The following IL7 variants were observed in gnomAD, a reference collection of about 807,000 sequenced individuals.
IL7 encodes interleukin-7.
A neutral mutation model predicts 21.6 loss-of-function variants in IL7; 3 were observed. That is an observed-to-expected ratio of 0.14 (90% CI 0.06 to 0.36). The LOEUF (loss-of-function observed/expected upper bound fraction) is 0.36, where lower values mean the gene tolerates loss of function less well. IL7 is among the 10% of genes least tolerant of loss of function. The probability of loss-of-function intolerance (pLI) is 1.00; values close to 1 mark genes in which losing one functional copy is unlikely to be tolerated. For synonymous variants in IL7, 62 were observed against 68.1 expected (o/e 0.91, Z 0.44); for missense variants, 175 against 200.2 (o/e 0.87, Z 0.76).
intron 3 of IL7, among the ~76,000 whole-genome samples, chr8:78,698,148 A>G (rs1054702717): frequency 1.3e-5 from 2 of 152,176 alleles, no homozygotes; most frequent in Non-Finnish European, 2.9e-5. Context: ...TGTTCGTAGT[A>G]GTCAAACACT....
chr8:78,722,659 A>G (rs1008025445), intron 3 of IL7, among the ~76,000 whole-genome samples: 3 of 151,950 alleles, frequency 2.0e-5, no homozygotes, highest in African/African-American at 7.2e-5. Context: ...AGTTATGTAC[A>G]TATCTCCATA....
rs1813941391 is a variant in IL7 at position 78,798,547 on chromosome 8, GT to G, written c.11-340del. On this transcript the variant is annotated intron_variant, in intron 1 of 5. Coordinates refer to ENST00000263851, the MANE Select transcript of IL7 (RefSeq NM_000880.4). Reference sequence around the variant, plus strand: ...TCCCCATAAGAAAAGGCATATACAGGTAAAGAGGTGCACTACAGTTCGAAGA... The same window carrying G: ...TCCCCATAAGAAAAGGCATATACAGGAAAGAGGTGCACTACAGTTCGAAGA... Among the ~76,000 whole-genome samples the G allele has an allele frequency of 2.0e-5, 3 of 152,102 alleles. No homozygotes were observed. In the South Asian group the frequency reaches 6.2e-4, roughly 32 times the overall value.
intron 2 of IL7, among the ~76,000 whole-genome samples, chr8:78,756,525 T>TTG (rs1812354362): frequency 6.6e-6 from 1 of 151,968 alleles, no homozygotes; most frequent in Non-Finnish European, 1.5e-5. Context: ...GTTTCCTATT[T>TTG]ATTTCTGGTT....
chr8:78,792,407 T>A (rs569530878), intron 2 of IL7, among the ~76,000 whole-genome samples: 2 of 152,052 alleles, frequency 1.3e-5, no homozygotes, highest in South Asian at 4.1e-4. Context: ...AACAAAAACA[T>A]GGGCAACAAG....
chr8:78,772,631 T>C (rs983519541), intron 2 of IL7, among the ~76,000 whole-genome samples: 1 of 152,118 alleles, frequency 6.6e-6, no homozygotes, highest in African/African-American at 2.4e-5. Flanking sequence ...AATTTTACCG[T>C]AGGTTAATTG....
intron 4 of IL7, 71 bp from the exon 5 acceptor site, chr8:78,736,598 A>AT: frequency 1.1e-6 from 1 of 900,092 alleles, no homozygotes; most frequent in Non-Finnish European, 1.8e-6. Context: ...GTAATTGCTA[A>AT]TTTTCATATT....
intron 2 of IL7, among the ~76,000 whole-genome samples, chr8:78,777,180 C>T (rs950671830): frequency 2.0e-5 from 3 of 152,022 alleles, no homozygotes; most frequent in African/African-American, 7.2e-5. Flanking sequence ...TTTATAATAT[C>T]TAATGCAGGC....
intron 4 of IL7, among the ~76,000 whole-genome samples, chr8:78,683,985 G>A (rs775625622): frequency 8.5e-5 from 13 of 152,250 alleles, no homozygotes; most frequent in Non-Finnish European, 1.6e-4. Context: ...GACCACCTTA[G>A]CCTGGACTTT....
chr8:78,753,226 A>C (rs1460165721), intron 2 of IL7, among the ~76,000 whole-genome samples: 1 of 152,212 alleles, frequency 6.6e-6, no homozygotes, highest in Non-Finnish European at 1.5e-5. Context: ...CTATTTCTCC[A>C]CATCCTCTCC....
In IL7 at chr8:78,761,205, G is replaced by T. The variant is rs887363983; in HGVS notation, c.148-21123C>A. The T allele has an allele frequency of 4.4e-6, 7 of 1,591,180 alleles. No homozygotes were observed. In the African/African-American group the frequency reaches 9.5e-5, roughly 22 times the overall value. On this transcript the variant is annotated intron_variant, in intron 2 of 5. Transcript: ENST00000263851. The stretch of plus-strand genomic sequence containing the variant: ...CCCCTTTCTTTACTGTTCTGAAAAA[G>T]AACAGAAATTACGTTGTCAAGTTCT...
chr8:78,804,977 T>C lies in IL7; in HGVS notation c.-55A>G. On this transcript the variant is annotated 5_prime_UTR_variant, in exon 1 of 6. Coordinates refer to ENST00000263851, the MANE Select transcript of IL7 (RefSeq NM_000880.4). Reference sequence around the variant, plus strand: ...GACCGCAACTGGAGCAGGAGCAAGCTCTCACCGCCCATAGTCACTCCCAGG... The same window carrying C: ...GACCGCAACTGGAGCAGGAGCAAGCCCTCACCGCCCATAGTCACTCCCAGG... The C allele has an allele frequency of 1.9e-6, 3 of 1,594,742 alleles. No homozygotes were observed. In the South Asian group the frequency reaches 3.4e-5, roughly 18 times the overall value.
At chr8:78,769,373 AT>A (rs1812874110) in intron 2 of IL7, among the ~76,000 whole-genome samples, 1 of 152,160 alleles carries the variant, frequency 6.6e-6, no homozygotes, top group African/African-American at 2.4e-5. Flanking sequence ...AATCACAAGC[AT>A]TTTTATACAC....
chr8:78,728,142 A>AC (rs1811366860), downstream of IL7, among the ~76,000 whole-genome samples: 1 of 152,022 alleles, frequency 6.6e-6, no homozygotes, highest in Non-Finnish European at 1.5e-5. Flanking sequence ...AAATAGAGAA[A>AC]TATACCATGT....
chr8:78,756,849 TTTA>T (rs1812364643), intron 2 of IL7, among the ~76,000 whole-genome samples: 1 of 151,934 alleles, frequency 6.6e-6, no homozygotes, highest in Non-Finnish European at 1.5e-5. Flanking sequence ...TGTTAATAGT[TTTA>T]TTATTTAGTT....
chr8:78,724,146 C>G (rs974587349), intron 3 of IL7: 1 of 152,196 alleles, frequency 6.6e-6, no homozygotes, highest in Non-Finnish European at 1.5e-5. Flanking sequence ...TGGGGAAGAG[C>G]TAGGAGCTCA....
In IL7 at chr8:78,701,767, T is replaced by C. The variant is rs371339488; in HGVS notation, n.215-15820A>G. Among the ~76,000 whole-genome samples the C allele has an allele frequency of 4.6e-5, 7 of 152,366 alleles. No individual in the cohort carries two copies. The South Asian group carries it at 8.3e-4, about 18-fold the overall frequency. ...AAGATAATCATGTGCTTTTTGTCTTTAATTTTGTTGTGATGAATAGCATTT... is the reference window on the plus strand; with the variant it reads ...AAGATAATCATGTGCTTTTTGTCTTCAATTTTGTTGTGATGAATAGCATTT... On this transcript the variant is annotated intron_variant and non_coding_transcript_variant, in intron 3 of 4. Transcript: ENST00000523959.
chr8:78,703,536 C>T (rs1015187263), intron 3 of IL7, among the ~76,000 whole-genome samples: 31 of 139,674 alleles, frequency 2.2e-4, no homozygotes, highest in East Asian at 6.2e-4. Context: ...TAATACCCTT[C>T]TTTTTTTTTT....
rs1188219419 is a variant in IL7 at position 78,691,387 on chromosome 8, T to C, written n.215-5440A>G. Among the ~76,000 whole-genome samples the C allele has an allele frequency of 2.0e-5, 3 of 152,200 alleles. No homozygotes were observed. The East Asian group carries it at 5.8e-4, about 29-fold the overall frequency. ...CCTTTTTGTCTGTGGCAATATTTGT[T>C]GTGTTGCAGTATGTTTCATGTGATA... On this transcript the variant is annotated intron_variant and non_coding_transcript_variant, in intron 3 of 4. Coordinates refer to the IL7 transcript ENST00000523959.
intron 2 of IL7, among the ~76,000 whole-genome samples, chr8:78,793,523 A>C (rs576851028): frequency 6.6e-6 from 1 of 152,300 alleles, no homozygotes; most frequent in Admixed American, 6.5e-5. Flanking sequence ...ATTTTAATTT[A>C]AAAAGAATTT....
Sources: allele counts gnomAD v4.1 joint callset (sites outside exome capture counted in the v4.1 genomes callset), GRCh38; gene constraint gnomAD v4.1.1; transcripts MANE v1.5; gene names NCBI Gene and HGNC (gene_info 2026-07-23, HGNC 2026-07-21).